GALNT13: variants seen among roughly 807,000 people sequenced by gnomAD.
GALNT13 encodes the protein polypeptide N-acetylgalactosaminyltransferase 13.
Under a neutral mutation model 64.2 loss-of-function variants are expected in GALNT13, and 28 were observed. That is an observed-to-expected ratio of 0.44 (90% CI 0.32 to 0.60). The LOEUF (loss-of-function observed/expected upper bound fraction) is 0.60, where lower values mean the gene tolerates loss of function less well. GALNT13 is among the 20% of genes least tolerant of loss of function. The pLI is 0.05. For synonymous variants in GALNT13, 214 were observed against 224.6 expected, an observed-to-expected ratio of 0.95 and a Z score of 0.42; for missense variants, 577 against 669.8, an observed-to-expected ratio of 0.86 and a Z score of 1.53.
At chr2:154,297,242 A>AACACT (rs1692980161) in intron 8 of GALNT13, among the ~76,000 whole-genome samples, 4 of 152,206 alleles carry the variant, frequency 2.6e-5, no homozygotes, top group African/African-American at 4.8e-5. Flanking sequence ...AACAAATTGC[A>AACACT]GAAAGCAACA....
chr2:153,335,125 G>T, the GALNT13 span, among the ~76,000 whole-genome samples: 1 of 152,130 alleles, frequency 6.6e-6, no homozygotes, highest in South Asian at 2.1e-4. Flanking sequence ...TGATTCTGAG[G>T]CTTCCCCAGC....
chr2:153,585,622 A>G, the GALNT13 span, among the ~76,000 whole-genome samples: 2 of 152,168 alleles, frequency 1.3e-5, no homozygotes, highest in South Asian at 2.1e-4. Context: ...TTGCCGCAGT[A>G]TATCATAATC....
chr2:153,808,391 A>AT, the GALNT13 span, among the ~76,000 whole-genome samples: 1 of 151,626 alleles, frequency 6.6e-6, no homozygotes, highest in Non-Finnish European at 1.5e-5. Flanking sequence ...TTTTCAGCCC[A>AT]TTTTTTCTTT....
chr2:153,358,625 T>A, the GALNT13 span, among the ~76,000 whole-genome samples: 6 of 152,210 alleles, frequency 3.9e-5, no homozygotes, highest in Non-Finnish European at 8.8e-5. Context: ...AGAAACTATC[T>A]CTAATTAGGC....
At chr2:153,654,307 CTTACTTGGA>C in the GALNT13 span, among the ~76,000 whole-genome samples, 1 of 151,980 alleles carries the variant, frequency 6.6e-6, no homozygotes, top group South Asian at 2.1e-4. Context: ...TTGTGTGGAT[CTTACTTGGA>C]TTCTGATTTG....
the GALNT13 span, among the ~76,000 whole-genome samples, chr2:153,417,805 C>T: frequency 6.6e-6 from 1 of 152,008 alleles, no homozygotes; most frequent in Admixed American, 6.6e-5. Flanking sequence ...GTAGAAAAGT[C>T]CAGGATGAAT....
chr2:153,602,506 G>GA, the GALNT13 span, among the ~76,000 whole-genome samples: 73,877 of 151,428 alleles, frequency 0.49, 19,333 homozygotes, highest in African/African-American at 0.68. Context: ...ACATGAAAAA[G>GA]TGAGGGAATT....
chr2:153,820,234 T>C, the GALNT13 span, among the ~76,000 whole-genome samples: 13 of 152,108 alleles, frequency 8.5e-5, no homozygotes, highest in Admixed American at 7.9e-4. Context: ...AAATATGAAA[T>C]TAGTTAAAGT....
the GALNT13 span, among the ~76,000 whole-genome samples, chr2:153,697,289 T>C: frequency 0.13 from 19,242 of 152,136 alleles, 1,832 homozygotes; most frequent in African/African-American, 0.26. Context: ...AGATGTTTAG[T>C]CTATGTTTTC....
the GALNT13 span, among the ~76,000 whole-genome samples, chr2:153,534,581 G>A: frequency 6.7e-6 from 1 of 150,304 alleles, no homozygotes; most frequent in African/African-American, 2.5e-5. Flanking sequence ...GTGCAGGCGG[G>A]CCAAGTCCGA....
chr2:153,300,157 A>G, the GALNT13 span, among the ~76,000 whole-genome samples: 1 of 152,328 alleles, frequency 6.6e-6, no homozygotes, highest in East Asian at 1.9e-4. Context: ...GAACAGGTGA[A>G]GAGAAGAAAC....
At chr2:153,597,076 C>A in the GALNT13 span, among the ~76,000 whole-genome samples, 1,913 of 152,202 alleles carry the variant, frequency 0.013, 38 homozygotes, top group African/African-American at 0.043. Flanking sequence ...TTTCTCATTT[C>A]TATTCTACAA....
At chr2:154,081,161 G>A (rs1032219213) in intron 3 of GALNT13, among the ~76,000 whole-genome samples, 1 of 151,472 alleles carries the variant, frequency 6.6e-6, no homozygotes, top group African/African-American at 2.4e-5. Flanking sequence ...GAAGCCTGTA[G>A]ACCATACTCT....
chr2:153,999,766 C>T (rs1259631689), intron 3 of GALNT13, among the ~76,000 whole-genome samples: 13 of 151,900 alleles, frequency 8.6e-5, no homozygotes, highest in Admixed American at 4.6e-4. Flanking sequence ...GTGATACTGG[C>T]CTGTAGTTTG....
the GALNT13 span, among the ~76,000 whole-genome samples, chr2:153,571,588 C>T: frequency 6.6e-6 from 1 of 151,916 alleles, no homozygotes; most frequent in South Asian, 2.1e-4. Flanking sequence ...GTGGGTGTGC[C>T]ATATATAGCT....
the GALNT13 span, among the ~76,000 whole-genome samples, chr2:153,695,514 T>A: frequency 6.6e-6 from 1 of 152,132 alleles, no homozygotes; most frequent in Admixed American, 6.5e-5. Context: ...GCCCATTAAG[T>A]AAGAAGCATG....
At chr2:153,460,510 T>G in the GALNT13 span, among the ~76,000 whole-genome samples, 1 of 152,138 alleles carries the variant, frequency 6.6e-6, no homozygotes, top group African/African-American at 2.4e-5. Flanking sequence ...ATTATTCCGA[T>G]CTTCTTATTT....
chr2:153,756,984 G>T, the GALNT13 span, among the ~76,000 whole-genome samples: 1 of 151,972 alleles, frequency 6.6e-6, no homozygotes, highest in African/African-American at 2.4e-5. Context: ...ATTTTTTAAA[G>T]AACGTTTATT....
chr2:154,261,880 A>C (rs1448275077), intron 8 of GALNT13, among the ~76,000 whole-genome samples: 1 of 152,142 alleles, frequency 6.6e-6, no homozygotes, highest in Non-Finnish European at 1.5e-5. Context: ...TGTGGTCTAC[A>C]TAGGTTCTAG....
Sources: allele counts gnomAD v4.1 joint callset (sites outside exome capture counted in the v4.1 genomes callset), GRCh38; gene constraint gnomAD v4.1.1; transcripts MANE v1.5; gene names NCBI Gene and HGNC (gene_info 2026-07-23, HGNC 2026-07-21).